The following QTGAL variants were observed in gnomAD, a reference collection of about 807,000 sequenced individuals.
QTGAL encodes the protein queuosine-tRNA galactosyltransferase, also known as BGnT-like protein 1.
chr17:83,013,194 A>G, the QTGAL span, among the ~76,000 whole-genome samples: 2,207 of 152,056 alleles, frequency 0.015, 38 homozygotes, highest in African/African-American at 0.05. Flanking sequence ...AAGGCCCTGC[A>G]GCCACGCTGG....
chr17:83,013,006 C>A, the QTGAL span, among the ~76,000 whole-genome samples: 1 of 152,152 alleles, frequency 6.6e-6, no homozygotes, highest in Admixed American at 6.5e-5. Flanking sequence ...ACTTCCGGAG[C>A]CTGTGGCCCC....
the QTGAL span, among the ~76,000 whole-genome samples, chr17:83,045,971 C>T: frequency 1.3e-5 from 2 of 151,002 alleles, no homozygotes; most frequent in Non-Finnish European, 3.0e-5. Context: ...TTAAAGGCCG[C>T]TGCCACTACT....
At chr17:82,990,540 T>C in the QTGAL span, among the ~76,000 whole-genome samples, 1 of 152,280 alleles carries the variant, frequency 6.6e-6, no homozygotes, top group Non-Finnish European at 1.5e-5. Context: ...CAAACTTTAT[T>C]GGTAACAACT....
chr17:83,038,067 G>A, the QTGAL span, among the ~76,000 whole-genome samples: 10 of 152,106 alleles, frequency 6.6e-5, no homozygotes, highest in African/African-American at 2.2e-4. Flanking sequence ...GGAAAGTGGG[G>A]CTCCGTTAGT....
the QTGAL span, among the ~76,000 whole-genome samples, chr17:82,946,568 A>T: frequency 6.5e-5 from 3 of 46,412 alleles, no homozygotes; most frequent in South Asian, 4.5e-3. Flanking sequence ...TACAGAACCC[A>T]AGTGTGTGTG....
At chr17:83,051,596 G>T in the QTGAL span, 3 of 882,600 alleles carry the variant, frequency 3.4e-6, no homozygotes, top group Non-Finnish European at 3.2e-6. Context: ...CCTAAGGGCT[G>T]CTCAGGGCGG....
the QTGAL span, among the ~76,000 whole-genome samples, chr17:82,966,861 G>A: frequency 6.6e-6 from 1 of 152,222 alleles, no homozygotes; most frequent in African/African-American, 2.4e-5. Flanking sequence ...TTCTTTGAAA[G>A]ATCCTGCAAA....
the QTGAL span, among the ~76,000 whole-genome samples, chr17:82,986,820 G>A: frequency 3.9e-5 from 6 of 152,364 alleles, no homozygotes; most frequent in East Asian, 5.8e-4. Context: ...CAAGAAATCC[G>A]TAATGTTGGG....
At chr17:82,978,108 G>A in the QTGAL span, among the ~76,000 whole-genome samples, 7 of 152,058 alleles carry the variant, frequency 4.6e-5, no homozygotes, top group South Asian at 6.2e-4. The surrounding 1 kb of genome is among the most constrained non-coding windows in gnomAD (Gnocchi z 4.8). Flanking sequence ...AAAAAAGCAC[G>A]TGCTGTTTGT....
chr17:83,048,569 T>C, the QTGAL span: 1 of 1,613,380 alleles, frequency 6.2e-7, no homozygotes, highest in Non-Finnish European at 8.5e-7. Flanking sequence ...CCCAGACTTG[T>C]CCTGAAAGCA....
At chr17:82,955,719 T>C in the QTGAL span, among the ~76,000 whole-genome samples, 1 of 152,142 alleles carries the variant, frequency 6.6e-6, no homozygotes, top group Non-Finnish European at 1.5e-5. Flanking sequence ...TGCAGCACCA[T>C]TCACAATAGC....
chr17:82,978,815 C>G, the QTGAL span: 3 of 152,196 alleles, frequency 2.0e-5, no homozygotes, highest in African/African-American at 7.2e-5. The surrounding 1 kb of genome is among the most constrained non-coding windows in gnomAD (Gnocchi z 4.8). Flanking sequence ...TCCCACATGT[C>G]AAGGGCCTGG....
At chr17:82,942,764 C>A in the QTGAL span, 1 of 508,526 alleles carries the variant, frequency 2.0e-6, no homozygotes, top group Non-Finnish European at 3.5e-6. Context: ...GCTCACTGCC[C>A]AGGGGTCAGC....
chr17:82,989,503 A>G, the QTGAL span, among the ~76,000 whole-genome samples: 2 of 151,912 alleles, frequency 1.3e-5, no homozygotes, highest in African/African-American at 4.8e-5. Flanking sequence ...ACTAAAAAAA[A>G]AAAAAAAAAA....
chr17:83,021,570 CAATACT>C, the QTGAL span, among the ~76,000 whole-genome samples: 4 of 152,076 alleles, frequency 2.6e-5, no homozygotes, highest in Non-Finnish European at 5.9e-5. Flanking sequence ...TTAGAAGACT[CAATACT>C]AAGATCCTCA....
At chr17:82,970,520 CCACCCAGCGTGGCCGCGACCTCCG>C in the QTGAL span, among the ~76,000 whole-genome samples, 25 of 97,556 alleles carry the variant, frequency 2.6e-4, 2 homozygotes, top group East Asian at 8.2e-3. Context: ...CAGGTCCTCC[CCACCCAGCGTGGCCGCGACCTCCG>C]CACCCGGCGT....
the QTGAL span, among the ~76,000 whole-genome samples, chr17:83,016,625 G>C: frequency 1.0e-4 from 15 of 144,730 alleles, no homozygotes; most frequent in East Asian, 3.2e-3. Flanking sequence ...GGGGAGGAGG[G>C]AGGAGGGACA....
the QTGAL span, chr17:82,947,754 C>T: frequency 2.0e-5 from 3 of 152,466 alleles, no homozygotes; most frequent in African/African-American, 4.8e-5. Flanking sequence ...ACCCCCACCA[C>T]ATCAGAATCC....
At chr17:83,012,320 C>A in the QTGAL span, among the ~76,000 whole-genome samples, 1 of 152,154 alleles carries the variant, frequency 6.6e-6, no homozygotes, top group Admixed American at 6.5e-5. Context: ...GAACACATGC[C>A]ACGAAGAACT....
Sources: gnomAD v4.1 joint callset for allele counts (sites outside exome capture counted in the v4.1 genomes callset) on GRCh38, gnomAD v4.1.1 for gene constraint, Gnocchi (gnomAD v3.1) non-coding constraint, MANE v1.5 for transcripts, NCBI Gene and HGNC (gene_info 2026-07-23, HGNC 2026-07-21) for gene names.